ARHGAP18: variants seen among roughly 807,000 people sequenced by gnomAD.
ARHGAP18 encodes Rho GTPase activating protein 18, also known as rho GTPase-activating protein 18.
A neutral mutation model predicts 86.2 loss-of-function variants in ARHGAP18; 67 were observed. That is an observed-to-expected ratio of 0.78 (90% CI 0.64 to 0.95). The LOEUF is 0.95. ARHGAP18 is among the 40% of genes least tolerant of loss of function. The probability of loss-of-function intolerance (pLI) is 0.00; values close to 1 mark genes in which losing one functional copy is unlikely to be tolerated. For synonymous variants in ARHGAP18, 283 were observed against 280.4 expected (o/e 1.01, Z -0.09); for missense variants, 691 against 780.4 (o/e 0.89, Z 1.37).
At chr6:129,594,540 C>T (rs893300647) in intron 12 of ARHGAP18, among the ~76,000 whole-genome samples, 2 of 152,168 alleles carry the variant, frequency 1.3e-5, no homozygotes, top group African/African-American at 2.4e-5. Flanking sequence ...ACAACAATCT[C>T]TAGGCTAATC....
At position 129,611,557 on chromosome 6, in the gene ARHGAP18, G is replaced by A. The variant is rs748272002; in HGVS notation, c.1098C>T (p.Ile366=). 6.2e-7 allele frequency: 1 copy of A among 1,613,752 alleles called. No individual in the cohort carries two copies. Among genetic ancestry groups the A allele is most frequent in the Admixed American group, 1.7e-5 (1 of 60,024 alleles). Residue 366 remains isoleucine (I), a synonymous_variant, in exon 8 of 15, where the codon ATC becomes ATT. Transcript: ENST00000368149. Reference sequence around the variant, plus strand: ...CCTTGATTCTAATGGCAGCTCCAGGGATCCGTAAGAGGCCTTCTGTTTCCA... The same window carrying A: ...CCTTGATTCTAATGGCAGCTCCAGGAATCCGTAAGAGGCCTTCTGTTTCCA... ...RGLETEGLLR[I]PGAAIRIKNL... is the part of the protein sequence containing the mutation.
chr6:129,684,009 T>C (rs999553820), intron 1 of ARHGAP18, among the ~76,000 whole-genome samples: 1 of 151,998 alleles, frequency 6.6e-6, no homozygotes, highest in African/African-American at 2.4e-5. Flanking sequence ...CAGATTAGGA[T>C]TGAGTTGGGG....
chr6:129,695,374 C>G (rs1246193090), intron 1 of ARHGAP18, among the ~76,000 whole-genome samples: 1 of 142,994 alleles, frequency 7.0e-6, no homozygotes, highest in Non-Finnish European at 1.5e-5. Flanking sequence ...GTGTCCAACA[C>G]ACAATTTTGA....
intron 5 of ARHGAP18, among the ~76,000 whole-genome samples, chr6:129,628,345 G>T (rs1448200764): frequency 6.6e-6 from 1 of 152,100 alleles, no homozygotes; most frequent in African/African-American, 2.4e-5. Context: ...AGGAATAATA[G>T]AATTTTAAAA....
intron 1 of ARHGAP18, among the ~76,000 whole-genome samples, chr6:129,700,694 G>GTA (rs1366100991): frequency 6.6e-6 from 1 of 152,188 alleles, no homozygotes; most frequent in African/African-American, 2.4e-5. Context: ...AAGCACTCAT[G>GTA]TAAGTATGTT....
intron 4 of ARHGAP18, among the ~76,000 whole-genome samples, chr6:129,633,434 C>CAA (rs34853507): frequency 0.44 from 45,297 of 103,878 alleles, 9,174 homozygotes; most frequent in African/African-American, 0.53. Context: ...GACTCCACCT[C>CAA]AAAAAAAAAA....
chr6:129,661,852 A>G lies in ARHGAP18; in HGVS notation c.114-19834T>C, dbSNP rs1030987510. 1.2e-5 allele frequency: 12 copies of G among 985,200 alleles called. No individual in the cohort carries two copies. In the African/African-American group the frequency reaches 2.1e-4, roughly 17 times the overall value. The allele number at this position is 985,200 out of a possible 1,614,324, so 61.0% of individuals were successfully genotyped here. ...TTCATCCCACCAGCTCACCCAGCGA[A>G]CAATTTTCCTGGAGTTTTGTTCAGA... On this transcript the variant is annotated intron_variant, in intron 1 of 14. Transcript: ENST00000368149.
At chr6:129,614,109 C>T (rs1789041651) in intron 7 of ARHGAP18, among the ~76,000 whole-genome samples, 1 of 152,036 alleles carries the variant, frequency 6.6e-6, no homozygotes, top group Non-Finnish European at 1.5e-5. Flanking sequence ...AACAATGTAC[C>T]TCTGAGTAAA....
chr6:129,650,842 T>A (rs1406135667), intron 1 of ARHGAP18, among the ~76,000 whole-genome samples: 2 of 152,150 alleles, frequency 1.3e-5, no homozygotes, highest in Non-Finnish European at 1.5e-5. Context: ...TCCAGTTTGA[T>A]CTGTTTTCCA....
intron 1 of ARHGAP18, among the ~76,000 whole-genome samples, chr6:129,646,419 A>G (rs1773580942): frequency 6.6e-6 from 1 of 152,148 alleles, no homozygotes; most frequent in Non-Finnish European, 1.5e-5. Context: ...GAGGAATCAC[A>G]TATCCTCTAG....
chr6:129,636,814 T>G (rs1773341740), intron 3 of ARHGAP18, among the ~76,000 whole-genome samples: 1 of 152,114 alleles, frequency 6.6e-6, no homozygotes, highest in South Asian at 2.1e-4. Context: ...GAGGGGGAGG[T>G]TGCAGTGAGC....
rs556007887 is a variant in ARHGAP18 at position 129,610,671 on chromosome 6, G to A, written c.1122+862C>T. Among the ~76,000 whole-genome samples the A allele has an allele frequency of 5.3e-5, 8 of 151,932 alleles. No individual in the cohort carries two copies. In the East Asian group the frequency reaches 5.8e-4, roughly 11 times the overall value. ...GAGACGAAGTCTCGCACTGTTGCCC[G>A]GGCTGGAGTGCAATGGTGCGATCTT... On this transcript the variant is annotated intron_variant, in intron 8 of 14. Coordinates refer to ENST00000368149, the MANE Select transcript of ARHGAP18 (RefSeq NM_033515.3).
intron 1 of ARHGAP18, among the ~76,000 whole-genome samples, chr6:129,651,740 C>A (rs1244398590): frequency 3.3e-5 from 5 of 152,184 alleles, no homozygotes; most frequent in South Asian, 4.1e-4. Context: ...ACTCGTTCTC[C>A]AGTCATCCCC....
rs1323693817 is a variant in ARHGAP18 at position 129,577,566 on chromosome 6, C to T, written c.*947G>A. 2 of 151,672 alleles carry T rather than the reference C, an allele frequency of 1.3e-5. No homozygotes were observed. Among genetic ancestry groups the T allele is most frequent in the Non-Finnish European group, 2.9e-5 (2 of 67,906 alleles). The allele number at this position is 151,672 out of a possible 1,614,324, so 9.4% of individuals were successfully genotyped here. On this transcript the variant is annotated 3_prime_UTR_variant, in exon 15 of 15. Transcript: ENST00000368149. ...TTTTCACCCAGAAGAATAATTCTTC[C>T]AGTAGACTTATTCAGGACTTAAAAA...
At chr6:129,621,536 T>G (rs900744626) in intron 5 of ARHGAP18, among the ~76,000 whole-genome samples, 1 of 152,158 alleles carries the variant, frequency 6.6e-6, no homozygotes, top group African/African-American at 2.4e-5. Flanking sequence ...TTCCATCACT[T>G]ACTATGTGAC....
At chr6:129,611,689 T>G in intron 7 of ARHGAP18, 79 bp from the exon 8 acceptor site, 1 of 1,183,682 alleles carries the variant, frequency 8.4e-7, no homozygotes, top group Non-Finnish European at 1.2e-6. Context: ...GTTTCACATA[T>G]AAATAAAACT....
intron 1 of ARHGAP18, among the ~76,000 whole-genome samples, chr6:129,685,674 C>A (rs1774410980): frequency 6.6e-6 from 1 of 152,184 alleles, no homozygotes; most frequent in Non-Finnish European, 1.5e-5. Context: ...TCTATTCAGA[C>A]TTAAATGCAA....
rs577070164 is a variant in ARHGAP18 at position 129,608,064 on chromosome 6, GAAAA to G, written c.1123-16_1123-13del. ...TCTTGGCAAAGATTCTGATAGGCACGAAAAAAAAAAAAAAAAAAAAAAGAAGCAG... is the reference window on the plus strand; with the variant it reads ...TCTTGGCAAAGATTCTGATAGGCACGAAAAAAAAAAAAAAAAAAGAAGCAG... On this transcript the variant is annotated splice_polypyrimidine_tract_variant and intron_variant, in intron 8 of 14. Transcript: ENST00000368149. 0.019 allele frequency: 18,441 copies of G among 960,002 alleles called. 1 individual carries two copies. Among genetic ancestry groups the G allele is most frequent in the East Asian group, 0.05 (1,044 of 21,042 alleles). 59.5% of individuals were successfully genotyped at this position (960,002 alleles called of 1,614,324 possible).
intron 1 of ARHGAP18, among the ~76,000 whole-genome samples, chr6:129,667,187 G>GA (rs896305836): frequency 6.6e-6 from 1 of 151,576 alleles, no homozygotes; most frequent in Non-Finnish European, 1.5e-5. Flanking sequence ...ATTTTACTAA[G>GA]AAAAAAATAT....
Sources: gnomAD v4.1 joint callset for allele counts (sites outside exome capture counted in the v4.1 genomes callset) on GRCh38, gnomAD v4.1.1 for gene constraint, MANE v1.5 for transcripts, NCBI Gene and HGNC (gene_info 2026-07-23, HGNC 2026-07-21) for gene names.